MDFIC: variants seen among roughly 807,000 people sequenced by gnomAD.
MDFIC encodes MyoD family inhibitor domain containing, also known as myoD family inhibitor domain-containing protein.
In MDFIC, 17 loss-of-function variants were observed where a neutral mutation model predicts 23.2. The observed-to-expected ratio is 0.73, with a 90% CI of 0.50 to 1.10. MDFIC has a LOEUF of 1.10. Among genes scored for constraint, MDFIC ranks in the 50% least tolerant of loss-of-function variants. The pLI, the probability that MDFIC is intolerant of heterozygous loss-of-function variation, is 0.00. For synonymous variants in MDFIC, 120 were observed against 115.2 expected, an observed-to-expected ratio of 1.04 and a Z score of -0.27; for missense variants, 356 against 316.6, an observed-to-expected ratio of 1.12 and a Z score of -0.95.
At chr7:114,949,391 T>A (rs1379599733) in intron 3 of MDFIC, among the ~76,000 whole-genome samples, 1 of 152,132 alleles carries the variant, frequency 6.6e-6, no homozygotes, top group African/African-American at 2.4e-5. Context: ...CCAAAAATGC[T>A]AACCACTGAA....
intron 3 of MDFIC, among the ~76,000 whole-genome samples, chr7:114,954,840 A>G (rs1357408373): frequency 6.6e-6 from 1 of 152,076 alleles, no homozygotes; most frequent in East Asian, 1.9e-4. Flanking sequence ...GGCTCTTCTC[A>G]GTCCTTATTC....
chr7:114,981,688 A>G (rs1793419966), intron 4 of MDFIC, among the ~76,000 whole-genome samples: 1 of 152,230 alleles, frequency 6.6e-6, no homozygotes, highest in African/African-American at 2.4e-5. Flanking sequence ...AGTCTTATCC[A>G]TATCTTCATT....
intron 4 of MDFIC, among the ~76,000 whole-genome samples, chr7:114,995,902 G>A (rs935932243): frequency 1.1e-4 from 16 of 152,134 alleles, no homozygotes; most frequent in African/African-American, 1.7e-4. Flanking sequence ...TGTCTTCTGC[G>A]TCACTCATGC....
intron 3 of MDFIC, among the ~76,000 whole-genome samples, chr7:114,946,387 T>C (rs1792646194): frequency 1.3e-5 from 2 of 152,180 alleles, no homozygotes; most frequent in South Asian, 4.1e-4. Context: ...CAGGTCTCTA[T>C]CTCAGGTTTT....
chr7:114,990,740 G>C (rs1793593488), intron 4 of MDFIC, among the ~76,000 whole-genome samples: 1 of 152,130 alleles, frequency 6.6e-6, no homozygotes. Context: ...TCTTAATCTA[G>C]TCTGTCACTG....
intron 4 of MDFIC, among the ~76,000 whole-genome samples, chr7:115,008,210 C>T (rs1002128397): frequency 6.6e-6 from 1 of 151,750 alleles, no homozygotes; most frequent in Non-Finnish European, 1.5e-5. Flanking sequence ...AAAGCAACTC[C>T]CATAGGATGG....
At chr7:114,944,883 G>C (rs1282252658) in intron 3 of MDFIC, among the ~76,000 whole-genome samples, 1 of 152,194 alleles carries the variant, frequency 6.6e-6, no homozygotes, top group Non-Finnish European at 1.5e-5. Context: ...GTGGCTCTCT[G>C]AGCACCGTGG....
chr7:114,944,086 T>C (rs929769153), intron 3 of MDFIC, among the ~76,000 whole-genome samples: 1 of 152,192 alleles, frequency 6.6e-6, no homozygotes, highest in Admixed American at 6.5e-5. Context: ...GTTTCATTGG[T>C]TAAGTGGGTA....
Position 115,001,445 on chromosome 7 carries a change from T to C in MDFIC, c.494-14243T>C, listed in dbSNP as rs184740849. On this transcript the variant is annotated intron_variant, in intron 4 of 4. Coordinates refer to ENST00000393486, the MANE Select transcript of MDFIC (RefSeq NM_001166345.3). ...TTGAAGTTTATTTTTTTCCTAATAATTATGCTCAGGGAAGGATGCAGAAAT... is the reference window on the plus strand; with the variant it reads ...TTGAAGTTTATTTTTTTCCTAATAACTATGCTCAGGGAAGGATGCAGAAAT... 1.3e-3 allele frequency among the ~76,000 whole-genome samples: 201 copies of C among 152,292 alleles called. 2 individuals are homozygous for C. The highest frequency in any genetic ancestry group is 4.7e-3 in the African/African-American group (195 of 41,568).
In MDFIC at chr7:115,019,885, C is replaced by T. The variant is rs1439817680; in HGVS notation, c.*3950C>T. Among the ~76,000 whole-genome samples the T allele has an allele frequency of 6.6e-6, 1 of 152,026 alleles. No individual in the cohort carries two copies. On this transcript the variant is annotated 3_prime_UTR_variant, in exon 5 of 5. Transcript: ENST00000393486. The stretch of plus-strand genomic sequence containing the variant: ...GAGAATCCTTTCAACCCTTCATCTT[C>T]GTATGCTTATACAATAAATTGCAGT...
At chr7:114,959,519 A>G (rs1792946047) in intron 3 of MDFIC, among the ~76,000 whole-genome samples, 1 of 152,192 alleles carries the variant, frequency 6.6e-6, no homozygotes, top group Non-Finnish European at 1.5e-5. Flanking sequence ...TCTGCATGAT[A>G]TTGTTTTGGC....
intron 4 of MDFIC, among the ~76,000 whole-genome samples, chr7:115,006,343 AC>A (rs1220852441): frequency 1.3e-5 from 2 of 152,048 alleles, no homozygotes; most frequent in Non-Finnish European, 2.9e-5. Flanking sequence ...TGCCATAAAG[AC>A]CTTATGTCCT....
chr7:114,923,809 A>G (rs959914495), intron 2 of MDFIC: 3 of 431,972 alleles, frequency 6.9e-6, no homozygotes, highest in Non-Finnish European at 1.1e-5. Context: ...TTAGGTTTCC[A>G]TTGGTGACAG....
intron 2 of MDFIC, among the ~76,000 whole-genome samples, chr7:114,929,584 A>G (rs1221183770): frequency 6.6e-6 from 1 of 152,242 alleles, no homozygotes; most frequent in Non-Finnish European, 1.5e-5. Flanking sequence ...AAGGTAATCC[A>G]TAAGTTTGCT....
intron 3 of MDFIC, among the ~76,000 whole-genome samples, chr7:114,960,456 T>A (rs1166815823): frequency 2.6e-5 from 4 of 152,058 alleles, no homozygotes; most frequent in African/African-American, 9.7e-5. Context: ...CCAGTAGGTG[T>A]ACCATGGCCT....
chr7:114,949,842 A>T (rs1297207250), intron 3 of MDFIC, among the ~76,000 whole-genome samples: 1 of 152,142 alleles, frequency 6.6e-6, no homozygotes, highest in Non-Finnish European at 1.5e-5. Context: ...GTTGTCTGTG[A>T]TACCTAAAGG....
At chr7:115,007,467 T>G (rs1452742596) in intron 4 of MDFIC, among the ~76,000 whole-genome samples, 1 of 151,666 alleles carries the variant, frequency 6.6e-6, no homozygotes, top group Non-Finnish European at 1.5e-5. Context: ...TTTCTAGCCT[T>G]TCTTTCCCTC....
intron 2 of MDFIC, 61 bp from the exon 3 acceptor site, chr7:114,942,214 C>T: frequency 9.1e-7 from 1 of 1,103,976 alleles, no homozygotes; most frequent in African/African-American, 1.6e-5. Context: ...AATGTATATA[C>T]TAAAAAAGGA....
chr7:115,009,413 A>G (rs967182102), intron 4 of MDFIC, among the ~76,000 whole-genome samples: 1 of 152,198 alleles, frequency 6.6e-6, no homozygotes, highest in African/African-American at 2.4e-5. Flanking sequence ...AGCTGAGTTT[A>G]TTTTGTAAAT....
Sources: gnomAD v4.1 joint callset for allele counts (sites outside exome capture counted in the v4.1 genomes callset) on GRCh38, gnomAD v4.1.1 for gene constraint, MANE v1.5 for transcripts, NCBI Gene and HGNC (gene_info 2026-07-23, HGNC 2026-07-21) for gene names.